RGL1: variants seen among roughly 807,000 people sequenced by gnomAD.
The protein encoded by RGL1 is ral guanine nucleotide dissociation stimulator like 1.
In RGL1, 24 loss-of-function variants were observed where a neutral mutation model predicts 95.2. The observed-to-expected ratio is 0.25, with a 90% CI of 0.18 to 0.35. RGL1 has a LOEUF of 0.35. RGL1 is among the 10% of genes least tolerant of loss of function. The pLI is 1.00. For synonymous variants in RGL1, 329 were observed against 344.9 expected, an observed-to-expected ratio of 0.95 and a Z score of 0.51; for missense variants, 715 against 936.3, an observed-to-expected ratio of 0.76 and a Z score of 3.08.
At chr1:183,655,748 A>G (rs924296188) in intron 1 of RGL1, among the ~76,000 whole-genome samples, 4 of 152,202 alleles carry the variant, frequency 2.6e-5, no homozygotes, top group Non-Finnish European at 5.9e-5. Context: ...TTCTCTTAGA[A>G]TTCCTCCATG....
chr1:183,744,677 C>T (rs146905279), intron 2 of RGL1, among the ~76,000 whole-genome samples: 7 of 152,236 alleles, frequency 4.6e-5, no homozygotes, highest in African/African-American at 1.7e-4. Context: ...TTGTACTGTA[C>T]ATCTACTTCT....
intron 1 of RGL1, among the ~76,000 whole-genome samples, chr1:183,662,619 A>G (rs1651723427): frequency 6.6e-6 from 1 of 152,158 alleles, no homozygotes; most frequent in Admixed American, 6.5e-5. Flanking sequence ...TCAATATCAT[A>G]AAAATGGCCA....
chr1:183,818,741 T>G (rs1662253298), intron 2 of RGL1, among the ~76,000 whole-genome samples: 1 of 152,240 alleles, frequency 6.6e-6, no homozygotes, highest in African/African-American at 2.4e-5. Context: ...TTTGGCCTTA[T>G]CTTTATTATA....
intron 1 of RGL1, among the ~76,000 whole-genome samples, chr1:183,667,973 G>A (rs541793315): frequency 1.1e-4 from 16 of 149,374 alleles, no homozygotes; most frequent in Non-Finnish European, 2.1e-4. Context: ...TATCATTGCT[G>A]TGATTTATTT....
intron 2 of RGL1, among the ~76,000 whole-genome samples, chr1:183,750,408 A>G (rs997160898): frequency 9.9e-5 from 15 of 152,214 alleles, no homozygotes; most frequent in African/African-American, 3.6e-4. Flanking sequence ...TTTCAGCTCT[A>G]TCAGGTCATT....
At chr1:183,920,299 T>C (rs1440511613) in intron 16 of RGL1, among the ~76,000 whole-genome samples, 1 of 152,158 alleles carries the variant, frequency 6.6e-6, no homozygotes, top group Admixed American at 6.5e-5. Context: ...CCTCCCAAAG[T>C]TGGTGGGATT....
At chr1:183,659,904 A>G (rs1456262022) in intron 1 of RGL1, among the ~76,000 whole-genome samples, 1 of 149,928 alleles carries the variant, frequency 6.7e-6, no homozygotes, top group Non-Finnish European at 1.5e-5. Flanking sequence ...GCCAATATTC[A>G]ACATTCTTAA....
chr1:183,891,131 A>G (rs948563915), intron 8 of RGL1, among the ~76,000 whole-genome samples: 3 of 152,184 alleles, frequency 2.0e-5, no homozygotes, highest in Non-Finnish European at 2.9e-5. Context: ...CCAAATATGA[A>G]TAGCTTAATG....
At chr1:183,655,239 G>A (rs1255604174) in intron 1 of RGL1, among the ~76,000 whole-genome samples, 1 of 152,226 alleles carries the variant, frequency 6.6e-6, no homozygotes, top group Non-Finnish European at 1.5e-5. Flanking sequence ...ATTAATCTAT[G>A]TTCTGACAAC....
Position 183,806,494 on chromosome 1 carries a change from A to C in RGL1, c.138+9A>C, listed in dbSNP as rs369742649. 3.6e-5 allele frequency: 57 copies of C among 1,587,314 alleles called. No individual in the cohort carries two copies. The highest frequency in any genetic ancestry group is 4.8e-5 in the Non-Finnish European group (56 of 1,155,938). On this transcript the variant is annotated intron_variant, in intron 2 of 17. Transcript: ENST00000360851. The stretch of plus-strand genomic sequence containing the variant: ...GAGCAAGATGGCTAGGGGTGAGTAA[A>C]GCTGGCGAGATGGTGAACTTTGGAA...
chr1:183,694,590 G>A (rs1302259279), intron 1 of RGL1, among the ~76,000 whole-genome samples: 1 of 152,312 alleles, frequency 6.6e-6, no homozygotes, highest in Non-Finnish European at 1.5e-5. Flanking sequence ...ACTGCAGTAT[G>A]TTGCTGGTGG....
intron 2 of RGL1, among the ~76,000 whole-genome samples, chr1:183,771,362 T>C (rs953408895): frequency 2.0e-5 from 3 of 152,068 alleles, no homozygotes; most frequent in South Asian, 2.1e-4. Flanking sequence ...TTATTCATTC[T>C]TGGGGCCTTA....
At chr1:183,805,971 C>CTTTTCTTTTTTT (rs1661282214) in intron 1 of RGL1, among the ~76,000 whole-genome samples, 3 of 74,678 alleles carry the variant, frequency 4.0e-5, no homozygotes, top group African/African-American at 1.5e-4. Flanking sequence ...CTTTTCTTTT[C>CTTTTCTTTTTTT]TTTTTTTTTT....
At chr1:183,693,556 A>G (rs967783329) in intron 1 of RGL1, among the ~76,000 whole-genome samples, 1 of 148,048 alleles carries the variant, frequency 6.8e-6, no homozygotes, top group Non-Finnish European at 1.5e-5. Context: ...GCTATCTGAC[A>G]TGGTGAAGTG....
At chr1:183,651,288 A>G (rs1321681527) in intron 1 of RGL1, among the ~76,000 whole-genome samples, 2 of 152,232 alleles carry the variant, frequency 1.3e-5, no homozygotes, top group African/African-American at 4.8e-5. Flanking sequence ...GAAAATTTAA[A>G]TGAGGTAAAC....
chr1:183,671,048 C>A (rs1189088079), intron 1 of RGL1, among the ~76,000 whole-genome samples: 2 of 152,118 alleles, frequency 1.3e-5, no homozygotes, highest in East Asian at 1.9e-4. Context: ...AAGCAAGGTA[C>A]CTTCTTCACA....
chr1:183,875,400 A>C (rs1336225660), intron 4 of RGL1, among the ~76,000 whole-genome samples: 1 of 152,204 alleles, frequency 6.6e-6, no homozygotes, highest in Non-Finnish European at 1.5e-5. Flanking sequence ...ATTCATTAAA[A>C]AGTCTGTGAT....
intron 9 of RGL1, among the ~76,000 whole-genome samples, chr1:183,896,598 G>A (rs925784944): frequency 2.0e-5 from 3 of 152,166 alleles, no homozygotes; most frequent in Admixed American, 6.5e-5. Flanking sequence ...GGAAGGTCAC[G>A]TGCTATGGTA....
intron 2 of RGL1, among the ~76,000 whole-genome samples, chr1:183,763,388 T>C (rs539567967): frequency 2.6e-5 from 4 of 152,136 alleles, no homozygotes; most frequent in Non-Finnish European, 4.4e-5. Context: ...AAAATATATA[T>C]ATATAAAAAA....
Sources: gnomAD v4.1 joint callset for allele counts (sites outside exome capture counted in the v4.1 genomes callset) on GRCh38, gnomAD v4.1.1 for gene constraint, MANE v1.5 for transcripts, NCBI Gene and HGNC (gene_info 2026-07-23, HGNC 2026-07-21) for gene names.